Variants in ATP4A observed in about 807,000 individuals in gnomAD.
The protein encoded by ATP4A is potassium-transporting ATPase alpha chain 1.
ATP4A carries 73 observed loss-of-function variants against 112.1 expected under a neutral mutation model. The ratio of observed to expected loss-of-function variants is 0.65; its 90% CI spans 0.54 to 0.79. The LOEUF (loss-of-function observed/expected upper bound fraction) is 0.79. Ranked by LOEUF, ATP4A falls within the 30% of genes least tolerant of loss-of-function variation. ATP4A has a pLI of 0.00. For synonymous variants in ATP4A, 588 were observed against 588.9 expected (o/e 1.00, Z 0.02); for missense variants, 1,081 against 1,425.9 (o/e 0.76, Z 3.90).
Position 35,555,807 on chromosome 19 carries a change from G to T in ATP4A, c.1875C>A (p.Ile625=). The T allele has an allele frequency of 6.2e-7, 1 of 1,611,636 alleles. No individual in the cohort carries two copies. ...TGATGGGGTGGTCACCCGTTACCAT[G>T]ATCACCTGTAGGGGGAACCAGTGGA... ...LKCRTAGIRV[I]MVTGDHPITA... Residue 625 remains isoleucine (I), a synonymous_variant, in exon 13 of 22, where the codon ATC becomes ATA. Coordinates refer to ENST00000262623, the MANE Select transcript of ATP4A (RefSeq NM_000704.3). The surrounding 1 kb of genome is among the most constrained non-coding windows in gnomAD (Gnocchi z 6.6).
In ATP4A at chr19:35,551,127, A is replaced by G. The variant is rs1477404777; in HGVS notation, c.2886-16T>C. On this transcript the variant is annotated splice_polypyrimidine_tract_variant and intron_variant, in intron 19 of 21. Transcript: ENST00000262623. This position sits in a 1 kb window ranked among gnomAD's most constrained non-coding sequence, Gnocchi z 5.2. ...GATCTTATTCCTGGGGGTGGGCAGA[A>G]TGGGACAGGCCATTAGGAATTGGGG... The G allele has an allele frequency of 2.5e-6, 4 of 1,593,434 alleles. No homozygotes were observed. The highest frequency in any genetic ancestry group is 3.4e-6 in the Non-Finnish European group (4 of 1,169,654).
At position 35,560,275 on chromosome 19, in the gene ATP4A, A is replaced by G; in HGVS notation, c.787+88T>C. 1 of 1,571,320 alleles carries G rather than the reference A, an allele frequency of 6.4e-7. No homozygotes were observed. Among genetic ancestry groups the G allele is most frequent in the South Asian group, 1.2e-5 (1 of 85,308 alleles). On this transcript the variant is annotated intron_variant, in intron 6 of 21. Transcript: ENST00000262623. The surrounding 1 kb of genome is among the most constrained non-coding windows in gnomAD (Gnocchi z 5.1). The stretch of plus-strand genomic sequence containing the variant: ...GCAGTCATGCAGGAGAGAGACAGGG[A>G]GGCTGAAGCCCCCTGTCCTAGAAGA...
In ATP4A at chr19:35,550,837, C is replaced by T. The variant is rs2071597280; in HGVS notation, c.3076G>A (p.Gly1026Arg). The T allele has an allele frequency of 6.2e-7, 1 of 1,614,078 alleles. No individual in the cohort carries two copies. The highest frequency in any genetic ancestry group is 2.2e-5 in the East Asian group (1 of 44,884). The change falls in exon 21 of 22, where the codon GGG becomes AGG. Residue 1026 changes from glycine (G) to arginine (R), a missense_variant. By Grantham distance (125) the Gly-to-Arg change is moderately radical (BLOSUM62 -2). Transcript: ENST00000262623. This position sits in a 1 kb window ranked among gnomAD's most constrained non-coding sequence, Gnocchi z 4.1. ...IRKLGVRCCPGSWWDQELYY is the reference protein window; with the variant it reads ...IRKLGVRCCPRSWWDQELYY The stretch of plus-strand genomic sequence containing the variant: ...GGCTCCCAGTCTCCACACTCACTCC[C>T]TGGGCAACAGCGAACTCCAAGCTTC...
In ATP4A at chr19:35,559,436, G is replaced by A. The variant is rs2071654006; in HGVS notation, c.1057-245C>T. On this transcript the variant is annotated intron_variant, in intron 7 of 21. Transcript: ENST00000262623. The surrounding 1 kb of genome is among the most constrained non-coding windows in gnomAD (Gnocchi z 4.1). ...TCTGAGCTGTCCCAGCCGAGGTTCT[G>A]AAAATTCTCTTCACACAATCAAAAT... 6.6e-6 allele frequency among the ~76,000 whole-genome samples: 1 copy of A among 152,218 alleles called. No homozygotes were observed.
chr19:35,553,246 G>A (rs2071611766), intron 17 of ATP4A, 64 bp from the exon 18 acceptor site: 1 of 1,525,666 alleles, frequency 6.6e-7, no homozygotes, highest in East Asian at 2.3e-5. Context: ...CACAGGAAGA[G>A]AGGGACATGG....
intron 18 of ATP4A, 133 bp downstream of exon 18, chr19:35,552,904 G>T (rs2071609403): frequency 2.5e-6 from 3 of 1,195,152 alleles, no homozygotes; most frequent in Admixed American, 2.6e-5. Context: ...CCCCGAACTG[G>T]CAGGGAGTCT....
chr19:35,560,663 G>GGGGGGGT lies in ATP4A; in HGVS notation c.535-49_535-48insACCCCCC. 1 of 883,962 alleles carries GGGGGGGT rather than the reference G, an allele frequency of 1.1e-6. No individual in the cohort carries two copies. Among genetic ancestry groups the GGGGGGGT allele is most frequent in the Non-Finnish European group, 1.8e-6 (1 of 561,726 alleles). The allele number at this position is 883,962 out of a possible 1,614,324, so 54.8% of individuals were successfully genotyped here. ...TTGAGGTGGACGGGGGTGGGGGTGGGAGCTGCTGCATGTGGGGAGGTAAAG... is the reference window on the plus strand; with the variant it reads ...TTGAGGTGGACGGGGGTGGGGGTGGGGGGGGGTAGCTGCTGCATGTGGGGAGGTAAAG... On this transcript the variant is annotated intron_variant, in intron 5 of 21. Transcript: ENST00000262623. This position sits in a 1 kb window ranked among gnomAD's most constrained non-coding sequence, Gnocchi z 5.1.
chr19:35,553,053 C>G lies in ATP4A; in HGVS notation c.2735G>C (p.Ser912Thr), dbSNP rs771300755. The G allele has an allele frequency of 6.2e-7, 1 of 1,604,576 alleles. No individual in the cohort carries two copies. Residue 912 changes from serine to threonine, a missense_variant, in exon 18 of 22, where the codon AGC (serine) becomes ACC (threonine). Coordinates refer to ENST00000262623, the MANE Select transcript of ATP4A (RefSeq NM_000704.3). ...EDHHLQDLQDSYGQEWTFGQR... is the reference protein window; with the variant it reads ...EDHHLQDLQDTYGQEWTFGQR... ...AGGGCTCACCCACTCCTGGCCGTAGCTGTCCTGCAGATCTTGTAGGTGGTG... is the reference window on the plus strand; with the variant it reads ...AGGGCTCACCCACTCCTGGCCGTAGGTGTCCTGCAGATCTTGTAGGTGGTG...
chr19:35,560,845 C>T lies in ATP4A; in HGVS notation c.508G>A (p.Ala170Thr), dbSNP rs148572774. Residue 170 changes from alanine (A) to threonine (T), a missense_variant, in exon 5 of 22, where the codon GCC (alanine) becomes ACC (threonine). By Grantham distance (58) the Ala-to-Thr change is moderately conservative (BLOSUM62 0). Transcript: ENST00000262623. The surrounding 1 kb of genome is among the most constrained non-coding windows in gnomAD (Gnocchi z 5.1). Reference protein sequence around the residue: ...YQEFKSTNIIASFKNLVPQQA... With the variant: ...YQEFKSTNIITSFKNLVPQQA... ...TGTGGCACAAGGTTCTTAAAGCTGGCGATGATGTTGGTGCTCTTGAATTCC... is the reference window on the plus strand; with the variant it reads ...TGTGGCACAAGGTTCTTAAAGCTGGTGATGATGTTGGTGCTCTTGAATTCC... The T allele has an allele frequency of 1.7e-5, 28 of 1,613,814 alleles. No individual in the cohort carries two copies. The East Asian group carries it at 2.0e-4, about 12-fold the overall frequency.
intron 4 of ATP4A, 128 bp from the exon 5 acceptor site, chr19:35,561,060 T>C: frequency 1.4e-6 from 1 of 714,720 alleles, no homozygotes. Flanking sequence ...ACTAGGAAGC[T>C]CCATGCACCA....
In ATP4A at chr19:35,555,058, T is replaced by C; in HGVS notation, c.2345A>G (p.Asn782Ser). The change falls in exon 16 of 22, where the codon AAC (asparagine) becomes AGC (serine). Residue 782 changes from asparagine (N) to serine (S), a missense_variant. By Grantham distance (46) the Asn-to-Ser change is conservative. This residue lies in a region of ATP4A where 12 missense variants were observed against 36.8 expected (regional missense o/e 0.33). Coordinates refer to ENST00000262623, the MANE Select transcript of ATP4A (RefSeq NM_000704.3). This position sits in a 1 kb window ranked among gnomAD's most constrained non-coding sequence, Gnocchi z 6.6. Reference sequence around the variant, plus strand: ...TGTGTAGGCAATAGACTTCTTCAGGTTGTCGAAGATCAGTCGACCTGTGGG... The same window carrying C: ...TGTGTAGGCAATAGACTTCTTCAGGCTGTCGAAGATCAGTCGACCTGTGGG... Reference protein sequence around the residue: ...GVEQGRLIFDNLKKSIAYTLT... With the variant: ...GVEQGRLIFDSLKKSIAYTLT... 6.2e-7 allele frequency: 1 copy of C among 1,613,644 alleles called. No homozygotes were observed. The highest frequency in any genetic ancestry group is 8.5e-7 in the Non-Finnish European group (1 of 1,179,656).
Position 35,559,918 on chromosome 19 carries a change from C to T in ATP4A, c.943G>A (p.Ala315Thr). 1 of 1,614,218 alleles carries T rather than the reference C, an allele frequency of 6.2e-7. No homozygotes were observed. Among genetic ancestry groups the T allele is most frequent in the Non-Finnish European group, 8.5e-7 (1 of 1,180,038 alleles). Residue 315 changes from alanine (A) to threonine (T), a missense_variant, in exon 7 of 22, where the codon GCC becomes ACC. Ala to Thr is a moderately conservative substitution (Grantham distance 58). This residue lies in a region of ATP4A where 850 missense variants were observed against 1,068.2 expected (regional missense o/e 0.80). Transcript: ENST00000262623. This position sits in a 1 kb window ranked among gnomAD's most constrained non-coding sequence, Gnocchi z 4.1. The stretch of plus-strand genomic sequence containing the variant: ...CACATGGCCACAATAAAAAATGTGG[C>T]ACCGAAGAGAATGGCCAGGCCCGCG... ...IIAGLAILFGATFFIVAMCIG... is the reference protein window; with the variant it reads ...IIAGLAILFGTTFFIVAMCIG...
In ATP4A at chr19:35,563,657, A is replaced by T; in HGVS notation, c.-28T>A. The T allele has an allele frequency of 1.2e-6, 2 of 1,609,756 alleles. No homozygotes were observed. The highest frequency in any genetic ancestry group is 1.7e-6 in the Non-Finnish European group (2 of 1,178,022). On this transcript the variant is annotated 5_prime_UTR_variant, in exon 1 of 22. It adds an upstream start codon to the 5' untranslated region. Transcript: ENST00000262623. ...TGCCCGGTGCCTGTGCTCCCACCCA[A>T]CAGAGCCTGGGCCCGGACCAGTCCT...
chr19:35,563,478 T>TCC lies in ATP4A; in HGVS notation c.60_61dup (p.Asp21GlyfsTer7). 6.2e-7 allele frequency: 1 copy of TCC among 1,613,924 alleles called. No individual in the cohort carries two copies. Among genetic ancestry groups the TCC allele is most frequent in the East Asian group, 2.2e-5 (1 of 44,858 alleles). On this transcript the variant is annotated frameshift_variant, in exon 2 of 22. Transcript: ENST00000262623. LOFTEE classifies it high-confidence loss of function. ...CTTCTTGCTCATCTTGGCAGCCATG[T>TCC]CCCCGCCAGGGCCAGGACCCAGCTC...
rs1190691983 is a variant in ATP4A at position 35,559,058 on chromosome 19, A to G, written c.1190T>C (p.Met397Thr). 1.2e-6 allele frequency: 2 copies of G among 1,614,204 alleles called. No homozygotes were observed. Among genetic ancestry groups the G allele is most frequent in the South Asian group, 2.2e-5 (2 of 91,090 alleles). ...GTCAAACCACAGATGGGACACAGTC[A>G]TGCGGTTCTGAGTGAGAGTCCCTGT... ...DKTGTLTQNRMTVSHLWFDNH... is the reference protein window; with the variant it reads ...DKTGTLTQNRTTVSHLWFDNH... Residue 397 changes from methionine to threonine, a missense_variant, in exon 8 of 22, where the codon ATG (methionine) becomes ACG (threonine). Transcript: ENST00000262623. This position sits in a 1 kb window ranked among gnomAD's most constrained non-coding sequence, Gnocchi z 4.1.
chr19:35,555,664 G>A lies in ATP4A; in HGVS notation c.2006+12C>T, dbSNP rs1424341487. 1.9e-6 allele frequency: 3 copies of A among 1,594,790 alleles called. No homozygotes were observed. Among genetic ancestry groups the A allele is most frequent in the Non-Finnish European group, 2.6e-6 (3 of 1,164,826 alleles). ...TGTGGGGAGAACCCCGGGGAGGTCT[G>A]GGGGGGCTTACTTGCGATTAACCTG... On this transcript the variant is annotated intron_variant, in intron 13 of 21. Coordinates refer to ENST00000262623, the MANE Select transcript of ATP4A (RefSeq NM_000704.3). This position sits in a 1 kb window ranked among gnomAD's most constrained non-coding sequence, Gnocchi z 6.6.
rs147230647 is a variant in ATP4A at position 35,559,964 on chromosome 19, G to T, written c.897C>A (p.Ile299=). The T allele has an allele frequency of 1.9e-6, 3 of 1,614,234 alleles. No individual in the cohort carries two copies. The highest frequency in any genetic ancestry group is 2.5e-6 in the Non-Finnish European group (3 of 1,180,044). The part of the protein sequence containing the change: ...ENEKTPIAIE[I]EHFVDIIAGL... ...CCGCGATGATGTCCACAAAATGCTC[G>T]ATCTCGATAGCGATGGGTGTCTTCT... The change falls in exon 7 of 22, where the codon ATC becomes ATA. Residue 299 remains isoleucine, a synonymous_variant. Coordinates refer to ENST00000262623, the MANE Select transcript of ATP4A (RefSeq NM_000704.3). The surrounding 1 kb of genome is among the most constrained non-coding windows in gnomAD (Gnocchi z 4.1).
In ATP4A at chr19:35,560,663, G is replaced by GGGGGGGGGGGGGGC; in HGVS notation, c.535-49_535-48insGCCCCCCCCCCCCC. 3.4e-6 allele frequency: 3 copies of GGGGGGGGGGGGGGC among 883,948 alleles called. No homozygotes were observed. Among genetic ancestry groups the GGGGGGGGGGGGGGC allele is most frequent in the Non-Finnish European group, 5.3e-6 (3 of 561,714 alleles). The allele number at this position is 883,948 out of a possible 1,614,324, so 54.8% of individuals were successfully genotyped here. Reference sequence around the variant, plus strand: ...TTGAGGTGGACGGGGGTGGGGGTGGGAGCTGCTGCATGTGGGGAGGTAAAG... The same window carrying GGGGGGGGGGGGGGC: ...TTGAGGTGGACGGGGGTGGGGGTGGGGGGGGGGGGGGGGCAGCTGCTGCATGTGGGGAGGTAAAG... On this transcript the variant is annotated intron_variant, in intron 5 of 21. Transcript: ENST00000262623. The surrounding 1 kb of genome is among the most constrained non-coding windows in gnomAD (Gnocchi z 5.1).
Position 35,553,081 on chromosome 19 carries a change from C to A in ATP4A, c.2707G>T (p.Asp903Tyr). ...LCVGLRAQWE[D>Y]HHLQDLQDSY... Reference sequence around the variant, plus strand: ...TCCTGCAGATCTTGTAGGTGGTGGTCCTCCCACTGCGCCCGCAGCCCCACG... The same window carrying A: ...TCCTGCAGATCTTGTAGGTGGTGGTACTCCCACTGCGCCCGCAGCCCCACG... Residue 903 changes from aspartate to tyrosine, a missense_variant, in exon 18 of 22, where the codon GAC (aspartate) becomes TAC (tyrosine). Asp to Tyr is a radical substitution (Grantham distance 160, BLOSUM62 -3). This residue lies in a region of ATP4A where 219 missense variants were observed against 320.9 expected (regional missense o/e 0.68). Transcript: ENST00000262623. 2 of 1,611,012 alleles carry A rather than the reference C, an allele frequency of 1.2e-6. No individual in the cohort carries two copies. The highest frequency in any genetic ancestry group is 1.7e-6 in the Non-Finnish European group (2 of 1,177,528).
Sources: allele counts gnomAD v4.1 joint callset (sites outside exome capture counted in the v4.1 genomes callset), GRCh38; gene constraint gnomAD v4.1.1; regional missense constraint gnomAD v4.1.1; non-coding constraint Gnocchi (gnomAD v3.1); transcripts MANE v1.5; gene names NCBI Gene and HGNC (gene_info 2026-07-23, HGNC 2026-07-21).